The following C8orf34 variants were observed in gnomAD, a reference collection of about 807,000 sequenced individuals.
C8orf34 encodes chromosome 8 open reading frame 34.
Under a neutral mutation model 68.3 loss-of-function variants are expected in C8orf34, and 65 were observed. The observed-to-expected ratio is 0.95, with a 90% CI of 0.78 to 1.17. The LOEUF is 1.17. C8orf34 is among the 50% of genes most tolerant of loss of function. The pLI is 0.00. For missense variants in C8orf34, 664 were observed against 655.4 expected, an observed-to-expected ratio of 1.01 and a Z score of -0.14; for synonymous variants, 244 against 241.2, an observed-to-expected ratio of 1.01 and a Z score of -0.11.
chr8:68,344,246 A>G (rs1806190413), intron 1 of C8orf34, among the ~76,000 whole-genome samples: 1 of 152,226 alleles, frequency 6.6e-6, no homozygotes, highest in South Asian at 2.1e-4. Flanking sequence ...AAAATAAGCT[A>G]TTAATGCATG....
At chr8:68,747,900 G>T (rs1256776629) in intron 10 of C8orf34, among the ~76,000 whole-genome samples, 7 of 152,036 alleles carry the variant, frequency 4.6e-5, no homozygotes, top group Non-Finnish European at 8.8e-5. Flanking sequence ...ATGTTCATAT[G>T]GAATCAAAAA....
intron 10 of C8orf34, among the ~76,000 whole-genome samples, chr8:68,741,720 CAA>C (rs1822300669): frequency 6.6e-6 from 1 of 152,046 alleles, no homozygotes; most frequent in Non-Finnish European, 1.5e-5. Flanking sequence ...GAGAACATGC[CAA>C]GTTTGTCTTT....
chr8:68,348,605 T>C (rs1053179777), intron 1 of C8orf34, among the ~76,000 whole-genome samples: 5 of 152,130 alleles, frequency 3.3e-5, no homozygotes, highest in African/African-American at 1.2e-4. Flanking sequence ...GCATGGGATG[T>C]TTTTTCATTT....
intron 7 of C8orf34, among the ~76,000 whole-genome samples, chr8:68,536,559 G>GT (rs1815485417): frequency 6.6e-6 from 1 of 151,492 alleles, no homozygotes; most frequent in African/African-American, 2.4e-5. Flanking sequence ...TTTCAGTCAC[G>GT]TTTTTGATTA....
At chr8:68,672,561 G>A (rs1003816963) in intron 8 of C8orf34, among the ~76,000 whole-genome samples, 6 of 152,088 alleles carry the variant, frequency 3.9e-5, no homozygotes, top group African/African-American at 1.2e-4. Context: ...GCCCACAGAC[G>A]GAGCATTTAG....
chr8:68,594,428 C>CA (rs2130455844), intron 7 of C8orf34, among the ~76,000 whole-genome samples: 1 of 151,940 alleles, frequency 6.6e-6, no homozygotes, highest in East Asian at 1.9e-4. Flanking sequence ...TGTCTTTTAT[C>CA]TAAAAAATAT....
At chr8:68,816,133 T>TG (rs879610966) in intron 13 of C8orf34, among the ~76,000 whole-genome samples, 188 bp downstream of exon 13, 56 of 133,308 alleles carry the variant, frequency 4.2e-4, no homozygotes, top group African/African-American at 1.4e-3. Context: ...TGTGTGTGTG[T>TG]TTCTCTGTGT....
At chr8:68,435,686 A>G (rs1308630696) in intron 1 of C8orf34, among the ~76,000 whole-genome samples, 1 of 152,100 alleles carries the variant, frequency 6.6e-6, no homozygotes, top group Non-Finnish European at 1.5e-5. Context: ...CATTTCTTTC[A>G]CTGGGAAACT....
intron 7 of C8orf34, among the ~76,000 whole-genome samples, chr8:68,573,778 A>G (rs1226445484): frequency 6.6e-6 from 1 of 152,154 alleles, no homozygotes; most frequent in Non-Finnish European, 1.5e-5. Flanking sequence ...TGTGGAGTTC[A>G]TATCTTGGAT....
At chr8:68,744,602 G>T (rs1428556255) in intron 10 of C8orf34, among the ~76,000 whole-genome samples, 1 of 152,144 alleles carries the variant, frequency 6.6e-6, no homozygotes, top group East Asian at 1.9e-4. Context: ...AGCCTCAGGA[G>T]CCGATGCGAT....
chr8:68,355,690 G>A (rs1423277311), intron 1 of C8orf34, among the ~76,000 whole-genome samples: 1 of 152,162 alleles, frequency 6.6e-6, no homozygotes, highest in Non-Finnish European at 1.5e-5. Context: ...TGGTGATGGT[G>A]TAAAAGAGAG....
chr8:68,531,142 T>C (rs916356840), intron 6 of C8orf34, among the ~76,000 whole-genome samples: 2 of 152,124 alleles, frequency 1.3e-5, no homozygotes, highest in Non-Finnish European at 2.9e-5. Context: ...AGCGTGTATT[T>C]CTTAGGAATA....
At chr8:68,342,653 G>A (rs1004319326) in intron 1 of C8orf34, among the ~76,000 whole-genome samples, 1 of 152,128 alleles carries the variant, frequency 6.6e-6, no homozygotes, top group Non-Finnish European at 1.5e-5. Flanking sequence ...CGATTTGGGT[G>A]AGGTGTGAAT....
intron 10 of C8orf34, among the ~76,000 whole-genome samples, chr8:68,747,439 C>T: frequency 6.8e-6 from 1 of 147,082 alleles, no homozygotes; most frequent in South Asian, 2.2e-4. Context: ...AAGAGGAAGT[C>T]AAATTGTCCC....
chr8:68,809,333 A>T (rs1044349872), intron 12 of C8orf34, among the ~76,000 whole-genome samples: 4 of 152,166 alleles, frequency 2.6e-5, no homozygotes, highest in Admixed American at 2.6e-4. Flanking sequence ...TGGCTTCTAC[A>T]TTCAATTTAT....
At chr8:68,521,592 C>T (rs1814757304) in intron 5 of C8orf34, among the ~76,000 whole-genome samples, 1 of 152,160 alleles carries the variant, frequency 6.6e-6, no homozygotes, top group Admixed American at 6.5e-5. Context: ...AGATTTCACT[C>T]CTGGGTCCTT....
At chr8:68,371,909 C>T (rs894540325) in intron 1 of C8orf34, among the ~76,000 whole-genome samples, 30 of 152,144 alleles carry the variant, frequency 2.0e-4, no homozygotes, top group African/African-American at 6.5e-4. Context: ...CCCTACCTCA[C>T]AGTCTTTATG....
chr8:68,776,154 T>TTAAAA (rs1823509638), intron 10 of C8orf34, among the ~76,000 whole-genome samples: 1 of 152,198 alleles, frequency 6.6e-6, no homozygotes. Flanking sequence ...ATTCCAGAAC[T>TTAAAA]TAAAATAAAA....
intron 12 of C8orf34, among the ~76,000 whole-genome samples, chr8:68,799,230 G>T (rs1335209980): frequency 6.6e-6 from 1 of 152,080 alleles, no homozygotes; most frequent in African/African-American, 2.4e-5. Context: ...CTTTTTATTT[G>T]TCTTGGAATA....
Sources: allele counts gnomAD v4.1 joint callset (sites outside exome capture counted in the v4.1 genomes callset), GRCh38; gene constraint gnomAD v4.1.1; transcripts MANE v1.5; gene names NCBI Gene and HGNC (gene_info 2026-07-23, HGNC 2026-07-21).